The following ARHGAP26 variants were observed in gnomAD, a reference collection of about 807,000 sequenced individuals.
ARHGAP26 encodes the protein rho GTPase-activating protein 26.
Under a neutral mutation model 104.8 loss-of-function variants are expected in ARHGAP26, and 38 were observed. The observed-to-expected ratio is 0.36, with a 90% CI of 0.28 to 0.48. ARHGAP26 has a LOEUF of 0.48. Ranked by LOEUF, ARHGAP26 falls within the 20% of genes least tolerant of loss-of-function variation. ARHGAP26 has a pLI of 0.99. For synonymous variants in ARHGAP26, 341 were observed against 340.0 expected, an observed-to-expected ratio of 1.00 and a Z score of -0.03; for missense variants, 704 against 947.9, an observed-to-expected ratio of 0.74 and a Z score of 3.38.
At chr5:142,913,896 G>A (rs574673474) in intron 10 of ARHGAP26, among the ~76,000 whole-genome samples, 2 of 152,224 alleles carry the variant, frequency 1.3e-5, no homozygotes, top group South Asian at 2.1e-4. Context: ...ATTTCGTGGT[G>A]TTAAGCTAGT....
intron 19 of ARHGAP26, among the ~76,000 whole-genome samples, chr5:143,140,473 G>A (rs1798381446): frequency 6.6e-6 from 1 of 152,176 alleles, no homozygotes; most frequent in African/African-American, 2.4e-5. Flanking sequence ...CCATGATTAA[G>A]TGAGCCAGTA....
chr5:143,128,217 A>G (rs1347138876), intron 18 of ARHGAP26, among the ~76,000 whole-genome samples: 2 of 152,204 alleles, frequency 1.3e-5, no homozygotes, highest in Admixed American at 6.5e-5. Flanking sequence ...AATCCCAGAT[A>G]AACCAATAAT....
intron 10 of ARHGAP26, among the ~76,000 whole-genome samples, chr5:142,917,736 T>C (rs1762682585): frequency 6.6e-6 from 1 of 152,188 alleles, no homozygotes; most frequent in Admixed American, 6.5e-5. Flanking sequence ...TCTCCTCATG[T>C]TGCCTAGGCT....
At chr5:142,935,589 A>AT (rs1351069134) in intron 11 of ARHGAP26, among the ~76,000 whole-genome samples, 2 of 152,246 alleles carry the variant, frequency 1.3e-5, no homozygotes, top group Non-Finnish European at 2.9e-5. Flanking sequence ...TTATGTAATC[A>AT]TTCCAAGAAA....
chr5:142,825,532 A>T (rs2152093658), intron 1 of ARHGAP26, among the ~76,000 whole-genome samples: 1 of 152,276 alleles, frequency 6.6e-6, no homozygotes, highest in South Asian at 2.1e-4. Flanking sequence ...GGACTGCCTG[A>T]GTGTCGTCAC....
intron 5 of ARHGAP26, 82 bp from the exon 6 acceptor site, chr5:142,894,156 A>ATT: frequency 1.5e-5 from 16 of 1,033,928 alleles, no homozygotes; most frequent in South Asian, 3.0e-5. Flanking sequence ...ATCTCCCGAG[A>ATT]TTTTTTTTTT....
chr5:143,183,961 C>A (rs1804774296), intron 20 of ARHGAP26, among the ~76,000 whole-genome samples: 1 of 152,214 alleles, frequency 6.6e-6, no homozygotes, highest in African/African-American at 2.4e-5. Context: ...TCTTTCCTCT[C>A]CTCATGGTAA....
At position 142,893,016 on chromosome 5, in the gene ARHGAP26, C is replaced by T. The variant is rs1201648414; in HGVS notation, c.487-1222C>T. Among the ~76,000 whole-genome samples the T allele has an allele frequency of 1.5e-4, 19 of 124,122 alleles. No individual in the cohort carries two copies. In the East Asian group the frequency reaches 5.0e-3, roughly 32 times the overall value. 81.4% of individuals were successfully genotyped at this position (124,122 alleles called of 152,430 possible). ...TTTTTTTTTTTTTGAGACAGAGTCT[C>T]GCTCTGTCACCAGGCTGGAGTGCAG... On this transcript the variant is annotated intron_variant, in intron 5 of 22. Coordinates refer to ENST00000645722, the MANE Select transcript of ARHGAP26 (RefSeq NM_001135608.3).
intron 11 of ARHGAP26, among the ~76,000 whole-genome samples, chr5:143,007,418 G>A (rs1778149449): frequency 6.6e-6 from 1 of 152,188 alleles, no homozygotes; most frequent in Non-Finnish European, 1.5e-5. Flanking sequence ...TTAATTGGAA[G>A]TTTGTAGAAT....
intron 1 of ARHGAP26, among the ~76,000 whole-genome samples, chr5:142,862,767 T>C (rs1018956410): frequency 1.3e-5 from 2 of 152,218 alleles, no homozygotes; most frequent in African/African-American, 4.8e-5. Flanking sequence ...CTTATAAACC[T>C]CTTCCAAGAA....
At chr5:142,850,516 A>C (rs1442019968) in intron 1 of ARHGAP26, among the ~76,000 whole-genome samples, 1 of 152,224 alleles carries the variant, frequency 6.6e-6, no homozygotes, top group African/African-American at 2.4e-5. Context: ...GTAAATTAGG[A>C]GTCAGACCTA....
At chr5:142,914,434 A>G (rs1358961754) in intron 10 of ARHGAP26, among the ~76,000 whole-genome samples, 1 of 152,372 alleles carries the variant, frequency 6.6e-6, no homozygotes, top group African/African-American at 2.4e-5. Context: ...AAATTACTTA[A>G]TCTTTTGGAA....
intron 11 of ARHGAP26, among the ~76,000 whole-genome samples, chr5:142,980,042 A>T (rs1303630600): frequency 6.6e-6 from 1 of 152,238 alleles, no homozygotes; most frequent in Non-Finnish European, 1.5e-5. Context: ...TAGTGCACTC[A>T]GTCAATACCT....
intron 18 of ARHGAP26, among the ~76,000 whole-genome samples, chr5:143,131,727 A>G (rs1362197750): frequency 3.3e-5 from 5 of 152,220 alleles, no homozygotes; most frequent in Non-Finnish European, 7.3e-5. Flanking sequence ...CCAACTTGCT[A>G]TGCTGTTGGC....
intron 12 of ARHGAP26, among the ~76,000 whole-genome samples, chr5:143,024,257 G>C (rs1386168313): frequency 6.6e-6 from 1 of 152,098 alleles, no homozygotes. Flanking sequence ...GTACTCCTTG[G>C]ACTTGCATGG....
At chr5:142,983,310 G>A (rs775667848) in intron 11 of ARHGAP26, among the ~76,000 whole-genome samples, 2 of 152,104 alleles carry the variant, frequency 1.3e-5, no homozygotes, top group Non-Finnish European at 2.9e-5. Context: ...GGGTTCAAGC[G>A]ACCCTCCTGC....
intron 20 of ARHGAP26, among the ~76,000 whole-genome samples, chr5:143,151,469 A>G (rs933142095): frequency 2.6e-5 from 4 of 152,234 alleles, no homozygotes; most frequent in South Asian, 2.1e-4. Flanking sequence ...AAACCTGCAC[A>G]TGGATTTTGT....
intron 11 of ARHGAP26, among the ~76,000 whole-genome samples, chr5:142,976,537 A>G (rs1271068841): frequency 6.6e-6 from 1 of 152,232 alleles, no homozygotes; most frequent in African/African-American, 2.4e-5. Flanking sequence ...AGTCTTTAAC[A>G]TCCATACATA....
At chr5:142,968,884 T>A (rs1482930088) in intron 11 of ARHGAP26, among the ~76,000 whole-genome samples, 2 of 152,250 alleles carry the variant, frequency 1.3e-5, no homozygotes, top group African/African-American at 2.4e-5. Flanking sequence ...TTGTGTTGAT[T>A]CCATTATCTT....
Sources: gnomAD v4.1 joint callset for allele counts (sites outside exome capture counted in the v4.1 genomes callset) on GRCh38, gnomAD v4.1.1 for gene constraint, MANE v1.5 for transcripts, NCBI Gene and HGNC (gene_info 2026-07-23, HGNC 2026-07-21) for gene names.